Variants in MBTPS1 observed in about 807,000 individuals in gnomAD.
MBTPS1 encodes membrane-bound transcription factor site-1 protease.
MBTPS1 carries 94 observed loss-of-function variants against 127.8 expected under a neutral mutation model. The ratio of observed to expected loss-of-function variants is 0.74; its 90% confidence interval spans 0.62 to 0.87. The LOEUF is 0.87. Among genes scored for constraint, MBTPS1 ranks in the 40% least tolerant of loss-of-function variants. The pLI is 0.00. For missense variants in MBTPS1, 1,636 were observed against 1,353.2 expected, an observed-to-expected ratio of 1.21 and a Z score of -3.28; for synonymous variants, 632 against 509.4, an observed-to-expected ratio of 1.24 and a Z score of -3.24.
At chr16:84,087,248 G>A (rs2086041628) in intron 9 of MBTPS1, 110 bp downstream of exon 9, 1 of 779,328 alleles carries the variant, frequency 1.3e-6, no homozygotes, top group Non-Finnish European at 2.2e-6. Context: ...ATGTGAATGT[G>A]AGGGTGTCTG....
chr16:84,082,871 A>T (rs1277948142), intron 10 of MBTPS1, among the ~76,000 whole-genome samples: 1 of 152,200 alleles, frequency 6.6e-6, no homozygotes, highest in Non-Finnish European at 1.5e-5. Context: ...TGCCTTTCAC[A>T]GCATCATCAG....
chr16:84,068,339 C>T lies in MBTPS1; in HGVS notation c.2071G>A (p.Gly691Ser), dbSNP rs1446689218. 5 of 1,593,504 alleles carry T rather than the reference C, an allele frequency of 3.1e-6. No homozygotes were observed. The highest frequency in any genetic ancestry group is 4.3e-6 in the Non-Finnish European group (5 of 1,161,262). The change falls in exon 15 of 23, where the codon GGC (glycine) becomes AGC (serine). Residue 691 changes from glycine (G) to serine (S), a missense_variant and splice_region_variant. By Grantham distance (56) the Gly-to-Ser change is moderately conservative (BLOSUM62 0). Coordinates refer to ENST00000343411, the MANE Select transcript of MBTPS1 (RefSeq NM_003791.4). ...TGGCTAGCACAGCAGTGCCACTTAC[C>T]ATACTGACTGGCATCAAAACACGTG... ...PFTCFDASQYGTLLMVDSEEE... is the reference protein window; with the variant it reads ...PFTCFDASQYSTLLMVDSEEE...
In MBTPS1 at chr16:84,070,003, C is replaced by G. The variant is rs1410515706; in HGVS notation, c.1818G>C (p.Lys606Asn). The G allele has an allele frequency of 3.1e-6, 5 of 1,613,640 alleles. No homozygotes were observed. The highest frequency in any genetic ancestry group is 3.3e-5 in the Admixed American group (2 of 59,908). The change falls in exon 14 of 23, where the codon AAG becomes AAC. Residue 606 changes from lysine to asparagine, a missense_variant. Transcript: ENST00000343411. Reference sequence around the variant, plus strand: ...GAATTATCTTCACCTTAATGGGGAGCTTTACTGTTGAAGTCTGTTCTGCAC... The same window carrying G: ...GAATTATCTTCACCTTAATGGGGAGGTTTACTGTTGAAGTCTGTTCTGCAC... Reference protein sequence around the residue: ...KNGAEQTSTVKLPIKVKIIPT... With the variant: ...KNGAEQTSTVNLPIKVKIIPT...
At chr16:84,084,808 G>T (rs1240349410) in intron 10 of MBTPS1, among the ~76,000 whole-genome samples, 175 bp downstream of exon 10, 2 of 152,244 alleles carry the variant, frequency 1.3e-5, no homozygotes, top group Admixed American at 6.5e-5. Flanking sequence ...AACTATAAAA[G>T]AAGTGACTCC....
At chr16:84,087,605 G>A (rs959299935) in intron 8 of MBTPS1, 145 bp from the exon 9 acceptor site, 1 of 596,454 alleles carries the variant, frequency 1.7e-6, no homozygotes, top group East Asian at 2.8e-5. Flanking sequence ...GACGTGTGCA[G>A]CTCCTCACGG....
At chr16:84,087,104 G>C (rs1370030000) in intron 9 of MBTPS1, among the ~76,000 whole-genome samples, 2 of 152,060 alleles carry the variant, frequency 1.3e-5, no homozygotes, top group African/African-American at 4.8e-5. Context: ...AGTTAAACTG[G>C]GAAACACCGC....
At chr16:84,112,906 CAG>C (rs752282841) in intron 1 of MBTPS1, among the ~76,000 whole-genome samples, 7 of 138,496 alleles carry the variant, frequency 5.1e-5, no homozygotes, top group Non-Finnish European at 1.1e-4. Context: ...ACCTGGGAGA[CAG>C]AGGTTGCAGT....
At chr16:84,070,925 G>A (rs2085761575) in intron 12 of MBTPS1, 149 bp from the exon 13 acceptor site, 1 of 637,036 alleles carries the variant, frequency 1.6e-6, no homozygotes, top group African/African-American at 1.8e-5. Flanking sequence ...CAGATACTAA[G>A]TAACTACAAC....
chr16:84,054,673 C>A lies in MBTPS1; in HGVS notation c.2963-28G>T, dbSNP rs371295593. 10 of 1,528,052 alleles carry A rather than the reference C, an allele frequency of 6.5e-6. No individual in the cohort carries two copies. The African/African-American group carries it at 1.4e-4, about 21-fold the overall frequency. 94.7% of individuals were successfully genotyped at this position (1,528,052 alleles called of 1,614,324 possible). A position where few individuals can be genotyped will look rare whatever the true frequency, so the allele number is the denominator to read the frequency against. On this transcript the variant is annotated intron_variant, in intron 22 of 22. Transcript: ENST00000343411. ...GTAAGAGGACAGCCGGTTGAACAGG[C>A]AGGAACGCCACAGAGCTACCATGAC...
At position 84,099,199 on chromosome 16, in the gene MBTPS1, T is replaced by C. The variant is rs778509846; in HGVS notation, c.275A>G (p.Asn92Ser). 15 of 1,614,196 alleles carry C rather than the reference T, an allele frequency of 9.3e-6. No homozygotes were observed. The African/African-American group carries it at 1.2e-4, about 13-fold the overall frequency. The change falls in exon 3 of 23, where the codon AAT becomes AGT. Residue 92 changes from asparagine to serine, a missense_variant. Coordinates refer to ENST00000343411, the MANE Select transcript of MBTPS1 (RefSeq NM_003791.4). Reference protein sequence around the residue: ...VDNWRIIPRNNPSSDYPSDFE... With the variant: ...VDNWRIIPRNSPSSDYPSDFE... ...ATCACTAGGGTAGTCACTGGATGGA[T>C]TGTTTCGAGGTATAATTCTCCAATT...
intron 1 of MBTPS1, among the ~76,000 whole-genome samples, chr16:84,112,975 A>AAC (rs1462198730): frequency 5.2e-5 from 6 of 114,314 alleles, no homozygotes; most frequent in African/African-American, 2.0e-4. Flanking sequence ...ATGCCATCTC[A>AAC]AAAAAAAAAA....
intron 1 of MBTPS1, among the ~76,000 whole-genome samples, chr16:84,108,180 C>T (rs1005011964): frequency 3.3e-5 from 5 of 152,098 alleles, no homozygotes; most frequent in Admixed American, 2.6e-4. Flanking sequence ...ATGGGCTCAC[C>T]ACTGAGAGGT....
intron 16 of MBTPS1, 145 bp downstream of exon 16, chr16:84,067,522 G>T: frequency 1.5e-6 from 1 of 659,646 alleles, no homozygotes; most frequent in East Asian, 2.8e-5. Context: ...TCAGTCGAAA[G>T]GGCTTTTTTT....
chr16:84,101,767 A>G lies in MBTPS1; in HGVS notation c.17T>C (p.Ile6Thr), dbSNP rs34701895. The G allele has an allele frequency of 9.3e-3, 15,051 of 1,613,522 alleles. 101 individuals are homozygous for G. The highest frequency in any genetic ancestry group is 0.017 in the Middle Eastern group (105 of 6,060). Residue 6 changes from isoleucine (I) to threonine (T), a missense_variant, in exon 2 of 23, where the codon ATC becomes ACC. Coordinates refer to ENST00000343411, the MANE Select transcript of MBTPS1 (RefSeq NM_003791.4). MKLVNIWLLLLVVLLC... is the reference protein window; with the variant it reads MKLVNTWLLLLVVLLC... ...CAAAACCACGAGCAGAAGCAGCCAG[A>G]TGTTGACAAGCTTCATGGTCACAAG... is the stretch of plus-strand genomic sequence containing the variant.
intron 20 of MBTPS1, 33 bp from the exon 21 acceptor site, chr16:84,059,461 A>G: frequency 6.3e-7 from 1 of 1,595,650 alleles, no homozygotes; most frequent in Non-Finnish European, 8.6e-7. Context: ...CAAAAAGGAA[A>G]ATCATCTCTA....
In MBTPS1 at chr16:84,116,838, G is replaced by A. The variant is rs912130823; in HGVS notation, c.-428C>T. The A allele has an allele frequency of 2.6e-5, 4 of 152,334 alleles. No homozygotes were observed. The highest frequency in any genetic ancestry group is 7.2e-5 in the African/African-American group (3 of 41,574). The allele number at this position is 152,334 out of a possible 1,614,324, so 9.4% of individuals were successfully genotyped here. On this transcript the variant is annotated 5_prime_UTR_variant, in exon 1 of 23. Coordinates refer to ENST00000343411, the MANE Select transcript of MBTPS1 (RefSeq NM_003791.4). The stretch of plus-strand genomic sequence containing the variant: ...GGGGCTGTTTACTCCCAACTCTCGC[G>A]AGACTGGGCGACCGGGCCAGCGAGG...
At chr16:84,064,427 C>A (rs1388459730) in intron 18 of MBTPS1, among the ~76,000 whole-genome samples, 1 of 152,106 alleles carries the variant, frequency 6.6e-6, no homozygotes, top group African/African-American at 2.4e-5. Flanking sequence ...AGGCATAACC[C>A]AAATTCCTAT....
Position 84,059,422 on chromosome 16 carries a change from T to C in MBTPS1, c.2711A>G (p.His904Arg), listed in dbSNP as rs1396385651. Residue 904 changes from histidine to arginine, a missense_variant, in exon 21 of 23, where the codon CAT becomes CGT. Transcript: ENST00000343411. ...SVTPERMEGN[H>R]LHRYSKVLEA... is the part of the protein sequence containing the mutation. ...CAGAACCTTGGAGTACCGATGAAGA[T>C]GGTTTCCTGTGGTTAGCAGCAACAT... 4 of 1,607,570 alleles carry C rather than the reference T, an allele frequency of 2.5e-6. No individual in the cohort carries two copies. The highest frequency in any genetic ancestry group is 2.2e-5 in the East Asian group (1 of 44,788).
intron 19 of MBTPS1, among the ~76,000 whole-genome samples, chr16:84,061,998 C>T (rs1286993992): frequency 6.6e-6 from 1 of 152,198 alleles, no homozygotes; most frequent in Non-Finnish European, 1.5e-5. Context: ...GGACCACCCT[C>T]TCAGGCATTT....
Sources: gnomAD v4.1 joint callset for allele counts (sites outside exome capture counted in the v4.1 genomes callset) on GRCh38, gnomAD v4.1.1 for gene constraint, MANE v1.5 for transcripts, NCBI Gene and HGNC (gene_info 2026-07-23, HGNC 2026-07-21) for gene names.